TBC1D10A: variants seen among roughly 807,000 people sequenced by gnomAD.
The protein encoded by TBC1D10A is TBC1 domain family member 10A.
In TBC1D10A, 24 loss-of-function variants were observed where a neutral mutation model predicts 52.9. The ratio of observed to expected loss-of-function variants is 0.45; its 90% CI spans 0.33 to 0.64. The LOEUF (loss-of-function observed/expected upper bound fraction) is 0.64, where lower values mean the gene tolerates loss of function less well. Among genes scored for constraint, TBC1D10A ranks in the 30% least tolerant of loss-of-function variants. The pLI is 0.02. For synonymous variants in TBC1D10A, 278 were observed against 282.9 expected (o/e 0.98, Z 0.17); for missense variants, 602 against 687.9 (o/e 0.88, Z 1.40).
chr22:30,326,684 G>A lies in TBC1D10A; in HGVS notation c.198C>T (p.Gly66=). ...CCGGCGCTACTCACGCGCCCTCGGC[G>A]CCCTGCGAGCCCACGATGAAGCCGA... The part of the protein sequence containing the change: ...DKFGFIVGSQ[G]AEGALEEVPL... The change falls in exon 1 of 9, where the codon GGC becomes GGT. Residue 66 remains glycine (G), a synonymous_variant. Transcript: ENST00000215790. 6.4e-7 allele frequency: 1 copy of A among 1,550,444 alleles called. No homozygotes were observed. Among genetic ancestry groups the A allele is most frequent in the East Asian group, 2.6e-5 (1 of 38,090 alleles).
chr22:30,317,996 C>G (rs1930573662), intron 1 of TBC1D10A, among the ~76,000 whole-genome samples: 1 of 152,180 alleles, frequency 6.6e-6, no homozygotes, highest in Admixed American at 6.5e-5. Context: ...GGAGCCATCA[C>G]TGACACTCTG....
rs376106240 is a variant in TBC1D10A at position 30,292,813 on chromosome 22, G to A, written c.1089C>T (p.Arg363=). The A allele has an allele frequency of 5.0e-6, 8 of 1,611,544 alleles. No individual in the cohort carries two copies. The highest frequency in any genetic ancestry group is 1.1e-5 in the South Asian group (1 of 91,018). Residue 363 remains arginine, a synonymous_variant, in exon 9 of 9, where the codon CGC becomes CGT. Coordinates refer to ENST00000215790, the MANE Select transcript of TBC1D10A (RefSeq NM_031937.3). ...AGCGCCGCAGCTGAATGAGGTGTTCGCGCTCAATCTGGCGCTCTGTCACGG... is the reference window on the plus strand; with the variant it reads ...AGCGCCGCAGCTGAATGAGGTGTTCACGCTCAATCTGGCGCTCTGTCACGG... ...ELPVTERQIE[R]EHLIQLRRWQ... is the part of the protein sequence containing the mutation.
chr22:30,314,824 A>C lies in TBC1D10A; in HGVS notation c.210-10194T>G, dbSNP rs547291929. Among the ~76,000 whole-genome samples, 6 of 151,516 alleles carry C rather than the reference A, an allele frequency of 4.0e-5. No individual in the cohort carries two copies. The East Asian group carries it at 1.2e-3, about 29-fold the overall frequency. ...AGACCCTGACTCAAAAAAAAAAAAA[A>C]AACCCACCAAAAAAACACAAAAAAC... On this transcript the variant is annotated intron_variant, in intron 1 of 8. Coordinates refer to ENST00000215790, the MANE Select transcript of TBC1D10A (RefSeq NM_031937.3).
At position 30,304,591 on chromosome 22, in the gene TBC1D10A, C is replaced by G; in HGVS notation, c.249G>C (p.Glu83Asp). 1.2e-6 allele frequency: 2 copies of G among 1,614,084 alleles called. No homozygotes were observed. Among genetic ancestry groups the G allele is most frequent in the Non-Finnish European group, 1.7e-6 (2 of 1,179,958 alleles). Residue 83 changes from glutamate (E) to aspartate (D), a missense_variant, in exon 2 of 9, where the codon GAG (glutamate) becomes GAC (aspartate). Coordinates refer to ENST00000215790, the MANE Select transcript of TBC1D10A (RefSeq NM_031937.3). ...EVPLEVLRQR[E>D]SKWLDMLNNW... Reference sequence around the variant, plus strand: ...TGTTGAGCATGTCCAGCCACTTGGACTCCCTCTGCCTCAGCACCTCCAGGG... The same window carrying G: ...TGTTGAGCATGTCCAGCCACTTGGAGTCCCTCTGCCTCAGCACCTCCAGGG...
chr22:30,293,612 T>G, intron 8 of TBC1D10A, 39 bp downstream of exon 8: 1 of 1,580,084 alleles, frequency 6.3e-7, no homozygotes, highest in Non-Finnish European at 8.6e-7. Flanking sequence ...CCACCTGTCT[T>G]CCTCCCTCCC....
chr22:30,293,916 A>G lies in TBC1D10A; in HGVS notation c.895+5T>C, dbSNP rs769246137. 4 of 1,612,100 alleles carry G rather than the reference A, an allele frequency of 2.5e-6. 1 individual carries two copies. In the South Asian group the frequency reaches 3.3e-5, roughly 13 times the overall value. On this transcript the variant is annotated splice_donor_5th_base_variant and intron_variant, in intron 7 of 8. Coordinates refer to ENST00000215790, the MANE Select transcript of TBC1D10A (RefSeq NM_031937.3). The stretch of plus-strand genomic sequence containing the variant: ...GGGGTGCTCCCCCCAAGCCCAGCCC[A>G]GTACCTTCACAGAAGAACATGTCCC...
chr22:30,306,655 C>G (rs1223349356), intron 1 of TBC1D10A, among the ~76,000 whole-genome samples: 1 of 152,212 alleles, frequency 6.6e-6, no homozygotes, highest in East Asian at 1.9e-4. Context: ...CTGTGCATGT[C>G]AATTGAAAGA....
intron 1 of TBC1D10A, among the ~76,000 whole-genome samples, chr22:30,320,946 G>C (rs1930638874): frequency 6.6e-6 from 1 of 152,200 alleles, no homozygotes; most frequent in African/African-American, 2.4e-5. Flanking sequence ...ACCTTCTCTT[G>C]CCCACCTCGA....
intron 1 of TBC1D10A, among the ~76,000 whole-genome samples, chr22:30,308,434 C>G (rs1367487885): frequency 6.6e-6 from 1 of 152,050 alleles, no homozygotes; most frequent in Admixed American, 6.6e-5. Flanking sequence ...AAACTGAGAC[C>G]CACACAAACA....
chr22:30,302,880 A>G (rs1930230824), intron 2 of TBC1D10A, among the ~76,000 whole-genome samples: 1 of 152,246 alleles, frequency 6.6e-6, no homozygotes, highest in Non-Finnish European at 1.5e-5. Context: ...ATTGCTGGAG[A>G]GCAAGCTACA....
intron 1 of TBC1D10A, among the ~76,000 whole-genome samples, chr22:30,306,035 G>A (rs74734313): frequency 0.012 from 1,800 of 152,302 alleles, 38 homozygotes; most frequent in African/African-American, 0.041. Context: ...AAAGGGATAT[G>A]TATCTCCGGG....
Position 30,292,204 on chromosome 22 carries a change from C to A in TBC1D10A, c.*171G>T. The A allele has an allele frequency of 1.7e-6, 1 of 574,444 alleles. No individual in the cohort carries two copies. The highest frequency in any genetic ancestry group is 2.9e-6 in the Non-Finnish European group (1 of 341,320). 35.6% of individuals were successfully genotyped at this position (574,444 alleles called of 1,614,324 possible). A position where few individuals can be genotyped will look rare whatever the true frequency, so the allele number is the denominator to read the frequency against. ...TGTAAAGAAAATAAATAAGGAGGCT[C>A]AGGCAGAATCTGTGTTGGACCAGGC... On this transcript the variant is annotated 3_prime_UTR_variant, in exon 9 of 9. Transcript: ENST00000215790.
intron 1 of TBC1D10A, among the ~76,000 whole-genome samples, chr22:30,319,939 G>C (rs1341670838): frequency 6.6e-6 from 1 of 152,156 alleles, no homozygotes. Context: ...CAATTACCTC[G>C]ACTGAGGAAG....
At position 30,301,837 on chromosome 22, in the gene TBC1D10A, C is replaced by T. The variant is rs1188432199; in HGVS notation, c.310-2286G>A. 3.9e-5 allele frequency among the ~76,000 whole-genome samples: 6 copies of T among 152,148 alleles called. No homozygotes were observed. The East Asian group carries it at 1.2e-3, about 29-fold the overall frequency. On this transcript the variant is annotated intron_variant, in intron 2 of 8. Transcript: ENST00000215790. ...GCCAAGTGAGAGCTTCTGGGACTGC[C>T]TAGAAAGGAGGCAGAGGAAGGGGGC...
At chr22:30,313,626 CT>C in intron 1 of TBC1D10A, among the ~76,000 whole-genome samples, 1 of 134,410 alleles carries the variant, frequency 7.4e-6, no homozygotes, top group South Asian at 2.5e-4. Context: ...TGGTCTCGAT[CT>C]CCTGACCTCA....
At chr22:30,323,359 G>A (rs1208128857) in intron 1 of TBC1D10A, among the ~76,000 whole-genome samples, 1 of 152,206 alleles carries the variant, frequency 6.6e-6, no homozygotes. Context: ...ATCCTTCTGG[G>A]CCACTTCTAT....
At chr22:30,313,341 ATG>A (rs6147586) in intron 1 of TBC1D10A, among the ~76,000 whole-genome samples, 4,884 of 137,946 alleles carry the variant, frequency 0.035, 204 homozygotes, top group African/African-American at 0.11. Flanking sequence ...TGCTCAATAA[ATG>A]TGTGTGTGTG....
intron 1 of TBC1D10A, among the ~76,000 whole-genome samples, chr22:30,314,552 A>G (rs1348740791): frequency 6.6e-6 from 1 of 152,180 alleles, no homozygotes; most frequent in East Asian, 1.9e-4. Flanking sequence ...GCTCACGCCT[A>G]TAATCCCAAC....
chr22:30,295,070 G>A lies in TBC1D10A; in HGVS notation c.525-15C>T. The A allele has an allele frequency of 6.2e-7, 1 of 1,612,768 alleles. No homozygotes were observed. Among genetic ancestry groups the A allele is most frequent in the East Asian group, 2.2e-5 (1 of 44,886 alleles). On this transcript the variant is annotated splice_polypyrimidine_tract_variant and intron_variant, in intron 4 of 8. Transcript: ENST00000215790. ...GGTCCTGCTGGCTGTGGAGAGGCCG[G>A]GCAGAGCAGTGATGACCGGGGTGAC...
Sources: gnomAD v4.1 joint callset for allele counts (sites outside exome capture counted in the v4.1 genomes callset) on GRCh38, gnomAD v4.1.1 for gene constraint, MANE v1.5 for transcripts, NCBI Gene and HGNC (gene_info 2026-07-23, HGNC 2026-07-21) for gene names.